RAB3C: variants seen among roughly 807,000 people sequenced by gnomAD.
RAB3C encodes the protein RAB3C, member RAS oncogene family, also known as ras-related protein Rab-3C.
In RAB3C, 17 loss-of-function variants were observed where a neutral mutation model predicts 26.4. That is an observed-to-expected ratio of 0.64 (90% confidence interval 0.44 to 0.97). RAB3C has a LOEUF of 0.97. Ranked by LOEUF, RAB3C falls within the 50% of genes least tolerant of loss-of-function variation. The pLI is 0.00. For missense variants in RAB3C, 242 were observed against 281.9 expected (o/e 0.86, Z 1.01); for synonymous variants, 91 against 95.9 (o/e 0.95, Z 0.30).
chr5:58,648,783 A>T (rs2111781887), intron 2 of RAB3C, among the ~76,000 whole-genome samples: 1 of 152,340 alleles, frequency 6.6e-6, no homozygotes, highest in Non-Finnish European at 1.5e-5. Flanking sequence ...TAAAACCTCC[A>T]AATCTAAGGA....
chr5:58,649,604 G>C (rs1747600493), intron 2 of RAB3C, among the ~76,000 whole-genome samples: 1 of 151,918 alleles, frequency 6.6e-6, no homozygotes. Context: ...CCACCCCAGA[G>C]GAGGCTCCAA....
intron 3 of RAB3C, among the ~76,000 whole-genome samples, chr5:58,768,506 G>A (rs973587363): frequency 7.9e-5 from 12 of 152,220 alleles, no homozygotes; most frequent in African/African-American, 2.6e-4. Flanking sequence ...GTATCAGATG[G>A]TGATATGTGC....
At chr5:58,619,191 C>A (rs1746883703) in intron 2 of RAB3C, among the ~76,000 whole-genome samples, 1 of 152,132 alleles carries the variant, frequency 6.6e-6, no homozygotes, top group Non-Finnish European at 1.5e-5. Flanking sequence ...TCTTTCAAAT[C>A]TAATTATAAA....
At chr5:58,704,118 A>AT (rs1399636320) in intron 2 of RAB3C, among the ~76,000 whole-genome samples, 1 of 152,168 alleles carries the variant, frequency 6.6e-6, no homozygotes, top group African/African-American at 2.4e-5. Flanking sequence ...AAACTTTACT[A>AT]TATCTGCTGG....
chr5:58,618,065 T>C (rs961721439), intron 2 of RAB3C, among the ~76,000 whole-genome samples, 195 bp downstream of exon 2: 2 of 152,070 alleles, frequency 1.3e-5, no homozygotes, highest in Admixed American at 1.3e-4. Context: ...TGAATTATTA[T>C]TATGCCTTGT....
chr5:58,687,790 T>C (rs530873239), intron 2 of RAB3C, among the ~76,000 whole-genome samples: 68 of 152,258 alleles, frequency 4.5e-4, no homozygotes, highest in Non-Finnish European at 8.4e-4. Flanking sequence ...AGAAATAATA[T>C]GACTCAGCAT....
chr5:58,606,636 C>CT (rs1561264289), intron 1 of RAB3C, among the ~76,000 whole-genome samples: 2 of 152,182 alleles, frequency 1.3e-5, no homozygotes, highest in Non-Finnish European at 2.9e-5. Flanking sequence ...AGACACCTCC[C>CT]AGTAGGGTCC....
At chr5:58,654,840 G>A (rs1157673617) in intron 2 of RAB3C, among the ~76,000 whole-genome samples, 3 of 152,180 alleles carry the variant, frequency 2.0e-5, no homozygotes, top group African/African-American at 7.2e-5. Flanking sequence ...TTTATTGGGT[G>A]CCTATTACGT....
At chr5:58,744,746 G>A (rs1741356804) in intron 3 of RAB3C, among the ~76,000 whole-genome samples, 1 of 152,086 alleles carries the variant, frequency 6.6e-6, no homozygotes, top group East Asian at 1.9e-4. Context: ...TAGCATACAA[G>A]GTTCTGTTAT....
intron 3 of RAB3C, among the ~76,000 whole-genome samples, chr5:58,807,248 T>C (rs1315924577): frequency 6.6e-6 from 1 of 152,194 alleles, no homozygotes; most frequent in African/African-American, 2.4e-5. Context: ...TCTCTGCAGA[T>C]GGGAAGCAAG....
chr5:58,677,092 C>G (rs568013097), intron 2 of RAB3C, among the ~76,000 whole-genome samples: 2 of 152,186 alleles, frequency 1.3e-5, no homozygotes, highest in Non-Finnish European at 2.9e-5. Context: ...TTCTGTTATT[C>G]TGTGGCTTGA....
intron 1 of RAB3C, among the ~76,000 whole-genome samples, chr5:58,592,147 C>T (rs1304048487): frequency 2.6e-5 from 4 of 152,116 alleles, no homozygotes; most frequent in African/African-American, 7.2e-5. Flanking sequence ...GATCCACCTG[C>T]GTCGGCCTCC....
chr5:58,772,263 G>A lies in RAB3C; in HGVS notation c.371+46143G>A, dbSNP rs550841687. Among the ~76,000 whole-genome samples, 11 of 152,286 alleles carry A rather than the reference G, an allele frequency of 7.2e-5. No homozygotes were observed. The South Asian group carries it at 2.3e-3, about 32-fold the overall frequency. On this transcript the variant is annotated intron_variant, in intron 3 of 4. Coordinates refer to ENST00000282878, the MANE Select transcript of RAB3C (RefSeq NM_138453.4). Reference sequence around the variant, plus strand: ...AGTGAAGGTTTTTCAGCAAGGGACTGACAGGACCAATGTAGTGCTTCAAGA... The same window carrying A: ...AGTGAAGGTTTTTCAGCAAGGGACTAACAGGACCAATGTAGTGCTTCAAGA...
chr5:58,648,068 G>T (rs996957846), intron 2 of RAB3C, among the ~76,000 whole-genome samples: 2 of 152,156 alleles, frequency 1.3e-5, no homozygotes, highest in Non-Finnish European at 2.9e-5. Context: ...ATAAGCTGAT[G>T]ACTTTGCTTC....
intron 1 of RAB3C, among the ~76,000 whole-genome samples, chr5:58,588,322 A>G (rs932049253): frequency 6.6e-6 from 1 of 152,200 alleles, no homozygotes; most frequent in Non-Finnish European, 1.5e-5. Flanking sequence ...TCTCACCAGC[A>G]ATGTATGAGA....
At chr5:58,785,113 C>T (rs1016672541) in intron 3 of RAB3C, among the ~76,000 whole-genome samples, 14 of 152,326 alleles carry the variant, frequency 9.2e-5, no homozygotes, top group African/African-American at 3.4e-4. Flanking sequence ...CCTGACCAAA[C>T]CCAGACAATT....
At position 58,674,697 on chromosome 5, in the gene RAB3C, A is replaced by G. The variant is rs1350083595; in HGVS notation, c.253-51305A>G. 1.1e-4 allele frequency among the ~76,000 whole-genome samples: 17 copies of G among 152,344 alleles called. 1 individual carries two copies. In the East Asian group the frequency reaches 2.5e-3, roughly 22 times the overall value. ...TAGGTGTTGAGATGCTTTAAATTGA[A>G]TAATACAGTGTATTTTAAGTGCATA... On this transcript the variant is annotated intron_variant, in intron 2 of 4. Coordinates refer to ENST00000282878, the MANE Select transcript of RAB3C (RefSeq NM_138453.4).
chr5:58,726,214 T>C, intron 3 of RAB3C, 94 bp downstream of exon 3: 1 of 625,002 alleles, frequency 1.6e-6, no homozygotes, highest in Non-Finnish European at 2.8e-6. Flanking sequence ...CGCAATGTAA[T>C]ATATGTGTTT....
chr5:58,729,075 A>T (rs1740947471), intron 3 of RAB3C, among the ~76,000 whole-genome samples: 1 of 151,982 alleles, frequency 6.6e-6, no homozygotes, highest in South Asian at 2.1e-4. Flanking sequence ...CATAACAGAC[A>T]ACACTATCCA....
Sources: allele counts gnomAD v4.1 joint callset (sites outside exome capture counted in the v4.1 genomes callset), GRCh38; gene constraint gnomAD v4.1.1; transcripts MANE v1.5; gene names NCBI Gene and HGNC (gene_info 2026-07-23, HGNC 2026-07-21).